The following C8A variants were observed in gnomAD, a reference collection of about 807,000 sequenced individuals.
The protein encoded by C8A is complement C8 alpha chain.
In C8A, 67 loss-of-function variants were observed where a neutral mutation model predicts 65.3. The ratio of observed to expected loss-of-function variants is 1.03; its 90% confidence interval spans 0.84 to 1.26. The LOEUF is 1.26. C8A is among the 50% of genes most tolerant of loss of function. The pLI is 0.00. For missense variants in C8A, 781 were observed against 723.9 expected, an observed-to-expected ratio of 1.08 and a Z score of -0.90; for synonymous variants, 290 against 259.4, an observed-to-expected ratio of 1.12 and a Z score of -1.13.
chr1:56,879,339 G>T (rs1644228975), intron 4 of C8A, among the ~76,000 whole-genome samples: 1 of 152,158 alleles, frequency 6.6e-6, no homozygotes, highest in African/African-American at 2.4e-5. Context: ...GGATATTTCT[G>T]CATAGTAGAT....
rs771062203 is a variant in C8A at position 56,908,118 on chromosome 1, G to C, written c.1380+5G>C. On this transcript the variant is annotated splice_donor_5th_base_variant and intron_variant, in intron 9 of 10. Coordinates refer to ENST00000361249, the MANE Select transcript of C8A (RefSeq NM_000562.3). The stretch of plus-strand genomic sequence containing the variant: ...CCTGTTGTTATCGATTTTGAGGTAA[G>C]TCTTTTCGCAGTTGAAGAAACTCTA... 1.9e-6 allele frequency: 3 copies of C among 1,614,054 alleles called. No homozygotes were observed. Among genetic ancestry groups the C allele is most frequent in the South Asian group, 2.2e-5 (2 of 91,068 alleles).
chr1:56,890,196 C>T (rs751591424), intron 7 of C8A, among the ~76,000 whole-genome samples: 5 of 152,136 alleles, frequency 3.3e-5, no homozygotes, highest in Admixed American at 6.6e-5. Flanking sequence ...GCTGTTCTCT[C>T]GTCTCCCAAT....
At chr1:56,911,371 T>A (rs1644504886) in intron 9 of C8A, among the ~76,000 whole-genome samples, 1 of 152,150 alleles carries the variant, frequency 6.6e-6, no homozygotes, top group Admixed American at 6.5e-5. Context: ...CTGTTCTCCC[T>A]TTACAGATGA....
chr1:56,916,107 G>C (rs1305036717), intron 10 of C8A, among the ~76,000 whole-genome samples: 1 of 152,250 alleles, frequency 6.6e-6, no homozygotes, highest in African/African-American at 2.4e-5. Flanking sequence ...GCCAGGCTCA[G>C]TGGCAGGCAG....
At chr1:56,916,987 C>G (rs951379083) in intron 10 of C8A, among the ~76,000 whole-genome samples, 11 of 152,158 alleles carry the variant, frequency 7.2e-5, no homozygotes, top group Admixed American at 6.5e-4. Flanking sequence ...CTGGCCAAAC[C>G]TTTTCTCTGA....
chr1:56,861,212 T>C (rs1644030330), intron 1 of C8A, among the ~76,000 whole-genome samples: 1 of 152,214 alleles, frequency 6.6e-6, no homozygotes, highest in Non-Finnish European at 1.5e-5. Flanking sequence ...ACAAAGTGCT[T>C]GCTCTCAGCT....
intron 9 of C8A, among the ~76,000 whole-genome samples, chr1:56,910,383 C>T (rs1176516340): frequency 2.0e-5 from 3 of 152,204 alleles, no homozygotes; most frequent in Admixed American, 6.5e-5. Context: ...TTTTCAAGCT[C>T]TAACGTCCCA....
chr1:56,909,137 A>C (rs189583270), intron 9 of C8A, among the ~76,000 whole-genome samples: 2 of 152,186 alleles, frequency 1.3e-5, no homozygotes, highest in Non-Finnish European at 2.9e-5. Flanking sequence ...GAAAAATTCT[A>C]TTTTAACCAC....
chr1:56,902,173 C>G (rs1372686350), intron 7 of C8A, among the ~76,000 whole-genome samples: 1 of 152,134 alleles, frequency 6.6e-6, no homozygotes, highest in Non-Finnish European at 1.5e-5. Flanking sequence ...AGCTCACTGC[C>G]TGCTGAAACA....
At chr1:56,865,285 A>C (rs1272084535) in intron 1 of C8A, among the ~76,000 whole-genome samples, 4 of 152,232 alleles carry the variant, frequency 2.6e-5, no homozygotes, top group Non-Finnish European at 5.9e-5. Context: ...TTTAAGCAGC[A>C]AGCATTTATT....
intron 8 of C8A, 133 bp downstream of exon 8, chr1:56,906,925 T>C (rs1279269184): frequency 9.3e-7 from 1 of 1,072,250 alleles, no homozygotes. Context: ...AGACGCTAAA[T>C]ACCCCAAAAC....
chr1:56,857,723 G>A (rs932699655), intron 1 of C8A, among the ~76,000 whole-genome samples: 1 of 150,884 alleles, frequency 6.6e-6, no homozygotes, highest in Non-Finnish European at 1.5e-5. Context: ...TCTTTTTTTG[G>A]GCCATCTTTT....
chr1:56,880,471 A>C (rs1557703294), intron 4 of C8A, among the ~76,000 whole-genome samples: 1 of 152,144 alleles, frequency 6.6e-6, no homozygotes, highest in Non-Finnish European at 1.5e-5. Context: ...AATGAGGAAA[A>C]TGAAATGCAG....
chr1:56,916,060 G>C lies in C8A; in HGVS notation c.1604-1505G>C, dbSNP rs75977753. ...AGCATAGAGACAGGAAGAAGGGGGAGTGTGGGCTACCCAGACGTGCCTCTC... is the reference window on the plus strand; with the variant it reads ...AGCATAGAGACAGGAAGAAGGGGGACTGTGGGCTACCCAGACGTGCCTCTC... On this transcript the variant is annotated intron_variant, in intron 10 of 10. Transcript: ENST00000361249. Among the ~76,000 whole-genome samples, 41 of 152,334 alleles carry C rather than the reference G, an allele frequency of 2.7e-4. 1 individual carries two copies. The South Asian group carries it at 8.5e-3, about 32-fold the overall frequency.
chr1:56,889,872 A>G (rs1644330793), intron 7 of C8A, among the ~76,000 whole-genome samples: 1 of 152,038 alleles, frequency 6.6e-6, no homozygotes, highest in African/African-American at 2.4e-5. Flanking sequence ...GAAGTCTTGG[A>G]TGTTAGGGAG....
intron 6 of C8A, among the ~76,000 whole-genome samples, chr1:56,885,046 G>A (rs928018216): frequency 1.4e-5 from 2 of 141,994 alleles, no homozygotes; most frequent in Non-Finnish European, 3.1e-5. Flanking sequence ...GAAGTGTGGG[G>A]GTGGGAATAG....
At chr1:56,898,478 A>G (rs888413087) in intron 7 of C8A, among the ~76,000 whole-genome samples, 1 of 152,058 alleles carries the variant, frequency 6.6e-6, no homozygotes, top group Admixed American at 6.6e-5. Flanking sequence ...CTTGATTTGC[A>G]TATGCTATTT....
Position 56,886,848 on chromosome 1 carries a change from C to T in C8A, c.1096+681C>T, listed in dbSNP as rs80341577. 2.1e-3 allele frequency among the ~76,000 whole-genome samples: 324 copies of T among 152,266 alleles called. 2 individuals carry two copies. Among genetic ancestry groups the T allele is most frequent in the African/African-American group, 7.5e-3 (311 of 41,552 alleles). On this transcript the variant is annotated intron_variant, in intron 7 of 10. Coordinates refer to ENST00000361249, the MANE Select transcript of C8A (RefSeq NM_000562.3). ...CATCGACCACATTAATGATGTTACT[C>T]CAACCTAGGAGAACGGTGGTTCTCA...
At position 56,876,199 on chromosome 1, in the gene C8A, G is replaced by T. The variant is rs942938055; in HGVS notation, c.454G>T (p.Ala152Ser). 1 of 1,613,848 alleles carries T rather than the reference G, an allele frequency of 6.2e-7. No individual in the cohort carries two copies. ...QYEPIPGSQK[A>S]ALGYNILTQE... Reference sequence around the variant, plus strand: ...TGAACCAATTCCAGGATCACAGAAGGCAGCCTTGGGGTGAGGCCCTGCCTA... The same window carrying T: ...TGAACCAATTCCAGGATCACAGAAGTCAGCCTTGGGGTGAGGCCCTGCCTA... Residue 152 changes from alanine (A) to serine (S), a missense_variant, in exon 4 of 11, where the codon GCA (alanine) becomes TCA (serine). Transcript: ENST00000361249.
Sources: allele counts gnomAD v4.1 joint callset (sites outside exome capture counted in the v4.1 genomes callset), GRCh38; gene constraint gnomAD v4.1.1; transcripts MANE v1.5; gene names NCBI Gene and HGNC (gene_info 2026-07-23, HGNC 2026-07-21).